Variants in ALK observed in about 807,000 individuals in gnomAD.
ALK encodes ALK tyrosine kinase receptor.
A neutral mutation model predicts 163.1 loss-of-function variants in ALK; 74 were observed. The ratio of observed to expected loss-of-function variants is 0.45; its 90% confidence interval spans 0.38 to 0.55. ALK has a LOEUF of 0.55. ALK is among the 20% of genes least tolerant of loss of function. The pLI is 0.00. For missense variants in ALK, 2,063 were observed against 2,105.3 expected, an observed-to-expected ratio of 0.98 and a Z score of 0.39; for synonymous variants, 960 against 843.2, an observed-to-expected ratio of 1.14 and a Z score of -2.40.
At chr2:29,854,447 G>A (rs1018938588) in intron 1 of ALK, among the ~76,000 whole-genome samples, 1 of 152,054 alleles carries the variant, frequency 6.6e-6, no homozygotes, top group Non-Finnish European at 1.5e-5. Context: ...TTTACCACAT[G>A]ATATGCTGGC....
chr2:29,865,575 G>A (rs923106579), intron 1 of ALK, among the ~76,000 whole-genome samples: 5 of 152,040 alleles, frequency 3.3e-5, no homozygotes, highest in African/African-American at 1.2e-4. Flanking sequence ...ACTCAGTCCT[G>A]CCCCCAAAGT....
chr2:29,734,140 G>T (rs1488063020), intron 1 of ALK, among the ~76,000 whole-genome samples: 1 of 152,136 alleles, frequency 6.6e-6, no homozygotes, highest in Non-Finnish European at 1.5e-5. Context: ...CCAACACTGG[G>T]CCCAGGACTC....
intron 2 of ALK, among the ~76,000 whole-genome samples, chr2:29,695,595 A>G (rs1678531479): frequency 6.6e-6 from 1 of 152,208 alleles, no homozygotes; most frequent in South Asian, 2.1e-4. Flanking sequence ...AATGGGAGAA[A>G]AATTTTGCAA....
intron 1 of ALK, among the ~76,000 whole-genome samples, chr2:29,850,436 A>AT (rs1354447835): frequency 6.6e-6 from 1 of 152,110 alleles, no homozygotes; most frequent in East Asian, 1.9e-4. Flanking sequence ...GGTTTATGTA[A>AT]TTTTTTCTAT....
At chr2:29,255,177 C>T (rs1458839791) in intron 11 of ALK, among the ~76,000 whole-genome samples, 1 of 152,166 alleles carries the variant, frequency 6.6e-6, no homozygotes, top group African/African-American at 2.4e-5. Flanking sequence ...ACCAGCACTG[C>T]CTCTGGGGGT....
At chr2:29,884,475 T>A (rs1013831626) in intron 1 of ALK, among the ~76,000 whole-genome samples, 12 of 151,776 alleles carry the variant, frequency 7.9e-5, no homozygotes, top group Non-Finnish European at 1.5e-5. Flanking sequence ...AAAAAAAAAA[T>A]GTGAAGCCAT....
Position 29,615,067 on chromosome 2 carries a change from C to T in ALK, c.952+79783G>A, listed in dbSNP as rs141490562. Among the ~76,000 whole-genome samples the T allele has an allele frequency of 1.5e-3, 235 of 152,284 alleles. 1 individual carries two copies. Among genetic ancestry groups the T allele is most frequent in the African/African-American group, 3.9e-3 (163 of 41,550 alleles). On this transcript the variant is annotated intron_variant, in intron 3 of 28. Coordinates refer to ENST00000389048, the MANE Select transcript of ALK (RefSeq NM_004304.5). ...CTCCTGAACTCAAGCAATCCACCTG[C>T]CCCAACCTCCCGAAGTACTGGGCCT... is the stretch of plus-strand genomic sequence containing the variant.
At chr2:29,510,289 G>C (rs1463627362) in intron 4 of ALK, among the ~76,000 whole-genome samples, 1 of 152,154 alleles carries the variant, frequency 6.6e-6, no homozygotes, top group Admixed American at 6.5e-5. Flanking sequence ...CCCCTTAAGA[G>C]TCCCTGATGG....
rs1273572526 is a variant in ALK at position 29,830,953 on chromosome 2, GAAAAGAAGAAGA to G, written c.667+89028_667+89039del. 1.4e-4 allele frequency among the ~76,000 whole-genome samples: 5 copies of G among 36,642 alleles called. 1 individual carries two copies. The highest frequency in any genetic ancestry group is 2.0e-4 in the African/African-American group (2 of 10,096). The allele number at this position is 36,642 out of a possible 152,430, so 24.0% of individuals were successfully genotyped here. A position where few individuals can be genotyped will look rare whatever the true frequency, so the allele number is the denominator to read the frequency against. Reference sequence around the variant, plus strand: ...AAGAAGAAGAAGAAGAAAAGAAGAAGAAAAGAAGAAGAAGAAGAAGAAGAAGAAGAAGAAGAA... The same window carrying G: ...AAGAAGAAGAAGAAGAAAAGAAGAAGAGAAGAAGAAGAAGAAGAAGAAGAA... On this transcript the variant is annotated intron_variant, in intron 1 of 28. Transcript: ENST00000389048.
chr2:29,392,646 A>T (rs1300887641), intron 4 of ALK, among the ~76,000 whole-genome samples: 4 of 152,216 alleles, frequency 2.6e-5, no homozygotes, highest in African/African-American at 9.6e-5. Context: ...GCCAGAAGGT[A>T]GGAGACGAAG....
In ALK at chr2:29,227,157, C is replaced by T. The variant is rs1664027379; in HGVS notation, c.2915-83G>A. 2 of 1,583,862 alleles carry T rather than the reference C, an allele frequency of 1.3e-6. No homozygotes were observed. The highest frequency in any genetic ancestry group is 8.7e-7 in the Non-Finnish European group (1 of 1,154,350). ...TCAGTACTATGTCTCCAGGTGGTCA[C>T]TGTGGGTGCTCTGGTGGTCCCTGTT... On this transcript the variant is annotated intron_variant, in intron 17 of 28. Transcript: ENST00000389048. The surrounding 1 kb of genome is among the most constrained non-coding windows in gnomAD (Gnocchi z 4.4).
rs755231246 is a variant in ALK at position 29,921,074 on chromosome 2, A to G, written c.-415T>C. ...GCTGGGGTCTGTCCCCTCTCGGGGC[A>G]GCCTCCAATCTCTGCAACTTTTAAG... On this transcript the variant is annotated 5_prime_UTR_variant, in exon 1 of 29. Transcript: ENST00000389048. 6.0e-4 allele frequency: 152 copies of G among 255,428 alleles called. No homozygotes were observed. The highest frequency in any genetic ancestry group is 1.7e-3 in the Admixed American group (34 of 19,646). 15.8% of individuals were successfully genotyped at this position (255,428 alleles called of 1,614,324 possible). A position where few individuals can be genotyped will look rare whatever the true frequency, so the allele number is the denominator to read the frequency against.
At chr2:29,702,966 G>C (rs758981829) in intron 2 of ALK, among the ~76,000 whole-genome samples, 8 of 152,206 alleles carry the variant, frequency 5.3e-5, no homozygotes, top group African/African-American at 1.9e-4. Context: ...TCCAGAATAT[G>C]TGCTGTGTTT....
chr2:29,614,657 A>G (rs72862836), intron 3 of ALK, among the ~76,000 whole-genome samples: 1,951 of 152,310 alleles, frequency 0.013, 41 homozygotes, highest in African/African-American at 0.045. Context: ...ACGTCAATTT[A>G]GCCAGAATCC....
chr2:29,579,825 G>A (rs1290755302), intron 3 of ALK, among the ~76,000 whole-genome samples: 2 of 152,176 alleles, frequency 1.3e-5, no homozygotes, highest in African/African-American at 4.8e-5. Flanking sequence ...CAAAGAGGGC[G>A]TAATTCTAGG....
At chr2:29,850,838 C>G (rs1289182990) in intron 1 of ALK, among the ~76,000 whole-genome samples, 1 of 152,202 alleles carries the variant, frequency 6.6e-6, no homozygotes, top group Non-Finnish European at 1.5e-5. Context: ...GTCCAGGAAG[C>G]CTGGTCTGGC....
chr2:29,357,090 A>G (rs1056912978), intron 5 of ALK, among the ~76,000 whole-genome samples: 5 of 152,132 alleles, frequency 3.3e-5, no homozygotes, highest in Admixed American at 6.5e-5. Context: ...CTGCTCTTAC[A>G]TATCAGCTAT....
chr2:29,531,865 A>T lies in ALK; in HGVS notation c.1154+50T>A, dbSNP rs369757812. On this transcript the variant is annotated intron_variant, in intron 4 of 28. Coordinates refer to ENST00000389048, the MANE Select transcript of ALK (RefSeq NM_004304.5). ...CAGACTCTGGAAATGTGTAACCAAAAGCCAAATCACCTGGTATAAAATCAA... is the reference window on the plus strand; with the variant it reads ...CAGACTCTGGAAATGTGTAACCAAATGCCAAATCACCTGGTATAAAATCAA... 1.0e-4 allele frequency: 161 copies of T among 1,598,244 alleles called. No individual in the cohort carries two copies. The African/African-American group carries it at 2.1e-3, about 20-fold the overall frequency.
chr2:29,909,508 GAGAGAGAGAGAA>G (rs1181686633), intron 1 of ALK, among the ~76,000 whole-genome samples: 1 of 151,358 alleles, frequency 6.6e-6, no homozygotes, highest in African/African-American at 2.4e-5. Flanking sequence ...GAGAGAGAGA[GAGAGAGAGAGAA>G]TGCTCCACAA....
Sources: gnomAD v4.1 joint callset for allele counts (sites outside exome capture counted in the v4.1 genomes callset) on GRCh38, gnomAD v4.1.1 for gene constraint, Gnocchi (gnomAD v3.1) non-coding constraint, MANE v1.5 for transcripts, NCBI Gene and HGNC (gene_info 2026-07-23, HGNC 2026-07-21) for gene names.